Variants in ESR2 observed in about 807,000 individuals in gnomAD.
The protein encoded by ESR2 is estrogen receptor 2.
Under a neutral mutation model 49.6 loss-of-function variants are expected in ESR2, and 36 were observed. The ratio of observed to expected loss-of-function variants is 0.73; its 90% CI spans 0.56 to 0.96. ESR2 has a LOEUF of 0.96. ESR2 is among the 40% of genes least tolerant of loss of function. The probability of loss-of-function intolerance (pLI) is 0.00; values close to 1 mark genes in which losing one functional copy is unlikely to be tolerated. For missense variants in ESR2, 714 were observed against 693.0 expected (o/e 1.03, Z -0.34); for synonymous variants, 320 against 266.1 (o/e 1.20, Z -1.97).
chr14:64,273,804 G>A (rs2076498460), intron 3 of ESR2, among the ~76,000 whole-genome samples: 1 of 151,846 alleles, frequency 6.6e-6, no homozygotes, highest in African/African-American at 2.4e-5. Flanking sequence ...TGGTCTCACG[G>A]AATGATTTTG....
In ESR2 at chr14:64,266,067, C is replaced by A. The variant is rs866954262; in HGVS notation, c.652+2728G>T. 3.3e-5 allele frequency among the ~76,000 whole-genome samples: 5 copies of A among 152,286 alleles called. No homozygotes were observed. In the South Asian group the frequency reaches 1.0e-3, roughly 32 times the overall value. On this transcript the variant is annotated intron_variant, in intron 4 of 8. Transcript: ENST00000341099. ...CCCATCTCATTTCTTCCATAATCTC[C>A]AAAGAGAATACAGTCTTTTCTTAGA...
rs140479599 is a variant in ESR2 at position 64,319,344 on chromosome 14, A to G, written c.-91+18554T>C. The stretch of plus-strand genomic sequence containing the variant: ...AACTCCTAGAAGACAACGTAGGAGA[A>G]AATGTAAGTGACCTAGGTTTAGAGA... On this transcript the variant is annotated intron_variant, in intron 1 of 8. Coordinates refer to the ESR2 transcript ENST00000358599. Among the ~76,000 whole-genome samples the G allele has an allele frequency of 3.9e-5, 6 of 152,308 alleles. No individual in the cohort carries two copies. In the South Asian group the frequency reaches 1.0e-3, roughly 26 times the overall value.
chr14:64,326,701 T>C (rs75029621), intron 1 of ESR2, among the ~76,000 whole-genome samples: 1,764 of 152,278 alleles, frequency 0.012, 38 homozygotes, highest in African/African-American at 0.04. Flanking sequence ...ACCCTGGATT[T>C]TGTCATCAGC....
Position 64,229,456 on chromosome 14 carries a change from G to A in ESR2, c.*3681C>T, listed in dbSNP as rs1344892809. On this transcript the variant is annotated 3_prime_UTR_variant, in exon 9 of 9. Transcript: ENST00000341099. The stretch of plus-strand genomic sequence containing the variant: ...ATGAAAGGTGGAGTTGAACTTTGAT[G>A]TGAGAGGTTTACAAACTTACTGTGT... Among the ~76,000 whole-genome samples the A allele has an allele frequency of 1.3e-5, 2 of 152,318 alleles. No individual in the cohort carries two copies. Among genetic ancestry groups the A allele is most frequent in the Non-Finnish European group, 2.9e-5 (2 of 68,026 alleles).
chr14:64,327,023 TC>T (rs2077398153), intron 1 of ESR2, among the ~76,000 whole-genome samples: 1 of 152,210 alleles, frequency 6.6e-6, no homozygotes, highest in African/African-American at 2.4e-5. Flanking sequence ...CAAAAATCAA[TC>T]AAAACTTATT....
At chr14:64,237,210 T>G (rs2075623099) in intron 7 of ESR2, among the ~76,000 whole-genome samples, 1 of 152,198 alleles carries the variant, frequency 6.6e-6, no homozygotes, top group Admixed American at 6.5e-5. Context: ...TCCGCCTGCC[T>G]CAGCCTCCCA....
chr14:64,273,958 G>A (rs1005481801), intron 3 of ESR2, among the ~76,000 whole-genome samples: 18 of 71,332 alleles, frequency 2.5e-4, no homozygotes, highest in Non-Finnish European at 2.8e-4. Context: ...TTTTTTTTTT[G>A]AGACCTGATC....
intron 1 of ESR2, among the ~76,000 whole-genome samples, chr14:64,321,324 A>AC (rs1289658267): frequency 6.6e-6 from 1 of 152,122 alleles, no homozygotes; most frequent in East Asian, 1.9e-4. Flanking sequence ...AAAAAAAAAA[A>AC]ATCTTTTTTG....
In ESR2 at chr14:64,335,318, T is replaced by C. The variant is rs148121885; in HGVS notation, c.-91+2580A>G. On this transcript the variant is annotated intron_variant, in intron 1 of 8. Transcript: ENST00000358599. ...GACTTTATCATTTAACAAAGCTATC[T>C]GTCTTAACTTGGGCTGCTATAACAA... 2.6e-5 allele frequency among the ~76,000 whole-genome samples: 4 copies of C among 152,336 alleles called. No homozygotes were observed. In the East Asian group the frequency reaches 5.8e-4, roughly 22 times the overall value.
intron 1 of ESR2, among the ~76,000 whole-genome samples, chr14:64,311,369 G>C (rs1346786711): frequency 6.6e-6 from 1 of 152,092 alleles, no homozygotes; most frequent in Non-Finnish European, 1.5e-5. Context: ...ACTGGGGATG[G>C]TGGTTCACGC....
intron 1 of ESR2, among the ~76,000 whole-genome samples, chr14:64,307,095 G>A (rs1288679474): frequency 1.3e-5 from 2 of 151,702 alleles, no homozygotes; most frequent in African/African-American, 4.8e-5. Context: ...TATTTTAATA[G>A]CTGTAGAATC....
intron 1 of ESR2, among the ~76,000 whole-genome samples, chr14:64,323,517 A>G (rs1596494306): frequency 1.6e-5 from 1 of 63,652 alleles, no homozygotes. Flanking sequence ...AGCACACGTT[A>G]TTTTGTACAA....
At chr14:64,310,214 A>C (rs1004534773) in intron 1 of ESR2, among the ~76,000 whole-genome samples, 1 of 151,700 alleles carries the variant, frequency 6.6e-6, no homozygotes, top group African/African-American at 2.4e-5. Context: ...CGGAGGTTGC[A>C]GTGAGCCAAG....
At chr14:64,263,592 G>A (rs2076264532) in intron 4 of ESR2, among the ~76,000 whole-genome samples, 1 of 152,028 alleles carries the variant, frequency 6.6e-6, no homozygotes, top group Non-Finnish European at 1.5e-5. Context: ...AGGAGGCACA[G>A]TGAACCGAGA....
intron 6 of ESR2, among the ~76,000 whole-genome samples, chr14:64,254,084 G>A (rs1426613726): frequency 6.6e-6 from 1 of 152,062 alleles, no homozygotes; most frequent in African/African-American, 2.4e-5. Flanking sequence ...GTAGACACAA[G>A]TTTTCTTGTT....
chr14:64,253,602 G>GTGTA (rs1555574451), intron 6 of ESR2, among the ~76,000 whole-genome samples: 4 of 122,102 alleles, frequency 3.3e-5, no homozygotes, highest in Non-Finnish European at 7.4e-5. Flanking sequence ...GTGTGTGTGT[G>GTGTA]TGTATGTATG....
intron 1 of ESR2, among the ~76,000 whole-genome samples, chr14:64,315,098 G>T (rs1596486451): frequency 6.6e-6 from 1 of 150,662 alleles, no homozygotes; most frequent in East Asian, 2.0e-4. Context: ...ACAAAAATTA[G>T]CTGGGCATGG....
intron 1 of ESR2, among the ~76,000 whole-genome samples, chr14:64,303,933 T>A (rs370099786): frequency 4.3e-4 from 66 of 152,328 alleles, no homozygotes; most frequent in Non-Finnish European, 8.4e-4. Context: ...AAATATACTA[T>A]CATTTGTTTA....
chr14:64,240,331 TCTGCTATC>T (rs2075694017), intron 7 of ESR2, among the ~76,000 whole-genome samples: 1 of 152,230 alleles, frequency 6.6e-6, no homozygotes, highest in Non-Finnish European at 1.5e-5. Context: ...GCTTGGAAAC[TCTGCTATC>T]CTAACATGGA....
Sources: allele counts gnomAD v4.1 joint callset (sites outside exome capture counted in the v4.1 genomes callset), GRCh38; gene constraint gnomAD v4.1.1; transcripts MANE v1.5; gene names NCBI Gene and HGNC (gene_info 2026-07-23, HGNC 2026-07-21).